Variants in MBD5 observed in about 807,000 individuals in gnomAD.
MBD5 encodes methyl-CpG binding domain protein 5.
A neutral mutation model predicts 117.3 loss-of-function variants in MBD5; 13 were observed. That is an observed-to-expected ratio of 0.11 (90% CI 0.07 to 0.18). The LOEUF is 0.18. Ranked by LOEUF, MBD5 falls within the 10% of genes least tolerant of loss-of-function variation. MBD5 has a pLI of 1.00. For synonymous variants in MBD5, 727 were observed against 766.4 expected (o/e 0.95, Z 0.85); for missense variants, 1,879 against 2,093.8 (o/e 0.90, Z 2.00).
rs757256547 is a variant in MBD5, at chr2:148,458,815, A to G, written c.57A>G (p.Ile19Met). 3.1e-6 allele frequency: 5 copies of G among 1,613,656 alleles called. No individual in the cohort carries two copies. Among genetic ancestry groups the G allele is most frequent in the Non-Finnish European group, 4.2e-6 (5 of 1,179,764 alleles). ...ACAAGGAAGGAGGTCTTCCAGCTAT[A>G]CAAGTTCCTGTGGGTTGGCAGCGTC... ...GGDKEGGLPA[I>M]QVPVGWQRRV... Residue 19 changes from isoleucine to methionine, a missense_variant, in exon 5 of 14, where the codon ATA becomes ATG. Transcript: ENST00000642680.
At chr2:148,260,337 A>C (rs1700703074) in intron 3 of MBD5, among the ~76,000 whole-genome samples, 1 of 152,226 alleles carries the variant, frequency 6.6e-6, no homozygotes, top group African/African-American at 2.4e-5. Context: ...CATAAGAAGC[A>C]ACTGCTCATC....
intron 4 of MBD5, among the ~76,000 whole-genome samples, chr2:148,427,574 G>T (rs189436717): frequency 1.1e-4 from 17 of 152,082 alleles, no homozygotes; most frequent in African/African-American, 4.1e-4. Context: ...TCACTCATAG[G>T]TGGGAATTGA....
At chr2:148,355,644 T>C (rs1446669686) in intron 4 of MBD5, among the ~76,000 whole-genome samples, 2 of 152,202 alleles carry the variant, frequency 1.3e-5, no homozygotes, top group Non-Finnish European at 2.9e-5. Flanking sequence ...TCTATATATC[T>C]GTTTTGGTAC....
At chr2:148,509,540 C>T (rs989433649) in intron 12 of MBD5, among the ~76,000 whole-genome samples, 1 of 152,204 alleles carries the variant, frequency 6.6e-6, no homozygotes, top group African/African-American at 2.4e-5. Flanking sequence ...TAAGCTGTTT[C>T]CCACCCCGGA....
At chr2:148,313,975 GTCTGACCAATC>G (rs2106541805) in intron 3 of MBD5, among the ~76,000 whole-genome samples, 1 of 151,904 alleles carries the variant, frequency 6.6e-6, no homozygotes, top group Non-Finnish European at 1.5e-5. Context: ...TGCACCCACT[GTCTGACCAATC>G]TCAATGTGGT....
chr2:148,241,849 T>G (rs933552705), intron 3 of MBD5, among the ~76,000 whole-genome samples: 5 of 152,186 alleles, frequency 3.3e-5, no homozygotes, highest in African/African-American at 1.2e-4. Context: ...CTTCAAATAA[T>G]TGTGTTTTGC....
At chr2:148,300,603 T>C (rs924731759) in intron 3 of MBD5, among the ~76,000 whole-genome samples, 1 of 152,212 alleles carries the variant, frequency 6.6e-6, no homozygotes, top group African/African-American at 2.4e-5. Flanking sequence ...TCTTGGATAA[T>C]TAGTATTAGA....
At chr2:148,305,707 G>A (rs1701875228) in intron 3 of MBD5, among the ~76,000 whole-genome samples, 1 of 152,204 alleles carries the variant, frequency 6.6e-6, no homozygotes, top group African/African-American at 2.4e-5. Context: ...AGCTTGCAGA[G>A]CTTTGGGAAA....
intron 4 of MBD5, among the ~76,000 whole-genome samples, chr2:148,423,960 C>G (rs781651687): frequency 6.6e-6 from 1 of 151,844 alleles, no homozygotes; most frequent in Non-Finnish European, 1.5e-5. Flanking sequence ...AGGCAGATCA[C>G]GAGGTCAGGA....
At chr2:148,052,750 C>T (rs1001707961) in intron 1 of MBD5, among the ~76,000 whole-genome samples, 1 of 152,104 alleles carries the variant, frequency 6.6e-6, no homozygotes, top group East Asian at 1.9e-4. Flanking sequence ...TCCATACAGT[C>T]TGATAAACCC....
chr2:148,260,658 A>G, intron 3 of MBD5: 1 of 213,696 alleles, frequency 4.7e-6, no homozygotes, highest in Non-Finnish European at 9.9e-6. Context: ...TCTCTGGCTG[A>G]TATGAGATGG....
rs918697961 is a variant in MBD5, at chr2:148,478,593, A to C, written c.2519-4517A>C. ...GAAAAGAAACCTGTCCTACTGGGCAAGCTACCACTGTCATTTCCTCATTGG... is the reference window on the plus strand; with the variant it reads ...GAAAAGAAACCTGTCCTACTGGGCACGCTACCACTGTCATTTCCTCATTGG... On this transcript the variant is annotated intron_variant, in intron 8 of 13. Transcript: ENST00000642680. 7.9e-5 allele frequency among the ~76,000 whole-genome samples: 12 copies of C among 152,116 alleles called. 1 individual carries two copies. In the East Asian group the frequency reaches 2.3e-3, roughly 29 times the overall value.
At chr2:148,172,207 A>C (rs1482744102) in intron 1 of MBD5, among the ~76,000 whole-genome samples, 1 of 152,198 alleles carries the variant, frequency 6.6e-6, no homozygotes, top group Non-Finnish European at 1.5e-5. Context: ...ACCTGCAGCC[A>C]CCCAGCAGTG....
At chr2:148,150,607 T>C (rs1697630645) in intron 1 of MBD5, among the ~76,000 whole-genome samples, 1 of 151,884 alleles carries the variant, frequency 6.6e-6, no homozygotes, top group South Asian at 2.1e-4. Flanking sequence ...TGTATCCTCT[T>C]TTATTTCCTG....
chr2:148,365,754 T>A (rs1703679213), intron 4 of MBD5, among the ~76,000 whole-genome samples: 2 of 151,784 alleles, frequency 1.3e-5, no homozygotes, highest in African/African-American at 4.9e-5. Flanking sequence ...CCTAGACACA[T>A]GCACCCTCCC....
intron 11 of MBD5, 132 bp downstream of exon 11, chr2:148,490,726 C>T (rs1320101574): frequency 1.3e-5 from 14 of 1,105,628 alleles, no homozygotes; most frequent in Non-Finnish European, 1.8e-5. Flanking sequence ...GTCTCACAAG[C>T]TTCTGGAGCA....
intron 4 of MBD5, among the ~76,000 whole-genome samples, chr2:148,370,407 T>G (rs1458923354): frequency 6.6e-6 from 1 of 152,202 alleles, no homozygotes; most frequent in East Asian, 1.9e-4. Context: ...TATTACTGTT[T>G]GGTGATTTTT....
intron 7 of MBD5, among the ~76,000 whole-genome samples, chr2:148,466,651 T>A (rs917858997): frequency 6.6e-5 from 10 of 152,172 alleles, no homozygotes; most frequent in African/African-American, 2.4e-4. Context: ...TTACAAACTT[T>A]AAAAATCTCT....
intron 1 of MBD5, among the ~76,000 whole-genome samples, chr2:148,033,437 T>C (rs1446307417): frequency 6.6e-6 from 1 of 152,164 alleles, no homozygotes; most frequent in Non-Finnish European, 1.5e-5. Context: ...TTAATTCTTA[T>C]TTTTCTTTTA....
Sources: allele counts gnomAD v4.1 joint callset (sites outside exome capture counted in the v4.1 genomes callset), GRCh38; gene constraint gnomAD v4.1.1; transcripts MANE v1.5; gene names NCBI Gene and HGNC (gene_info 2026-07-23, HGNC 2026-07-21).